The following STAMBPL1 variants were observed in gnomAD, a reference collection of about 807,000 sequenced individuals.
The protein encoded by STAMBPL1 is AMSH-like protease.
A neutral mutation model predicts 52.9 loss-of-function variants in STAMBPL1; 44 were observed. That is an observed-to-expected ratio of 0.83 (90% confidence interval 0.65 to 1.07). STAMBPL1 has a LOEUF of 1.07. Ranked by LOEUF, STAMBPL1 falls within the 50% of genes least tolerant of loss-of-function variation. The probability of loss-of-function intolerance (pLI) is 0.00; values close to 1 mark genes in which losing one functional copy is unlikely to be tolerated. For missense variants in STAMBPL1, 511 were observed against 520.8 expected (o/e 0.98, Z 0.18); for synonymous variants, 164 against 177.3 (o/e 0.92, Z 0.60).
rs1457741504 is a variant in STAMBPL1 at position 88,910,901 on chromosome 10, A to G, written c.325-15A>G. ...GAAAATCCCACTAATCAATATGTAT[A>G]TATATTTTTAAAAGAAACTGAAGGA... On this transcript the variant is annotated splice_polypyrimidine_tract_variant and intron_variant, in intron 4 of 10. Transcript: ENST00000371926. 1.3e-6 allele frequency: 2 copies of G among 1,544,248 alleles called. No individual in the cohort carries two copies. The highest frequency in any genetic ancestry group is 1.2e-5 in the South Asian group (1 of 81,116).
intron 5 of STAMBPL1, chr10:88,912,256 A>C (rs1280959268): frequency 6.6e-6 from 1 of 152,236 alleles, no homozygotes; most frequent in African/African-American, 2.4e-5. Flanking sequence ...ATGCACCTGA[A>C]TGTGCCACTA....
At chr10:88,907,300 ATTTTATTCAAGTT>A (rs1236643310) in intron 3 of STAMBPL1, among the ~76,000 whole-genome samples, 2 of 152,202 alleles carry the variant, frequency 1.3e-5, no homozygotes, top group African/African-American at 4.8e-5. Flanking sequence ...TGAGATCTGC[ATTTTATTCAAGTT>A]ACTGAACTTG....
intron 1 of STAMBPL1, chr10:88,882,503 A>G (rs549687981): frequency 6.6e-6 from 1 of 152,312 alleles, no homozygotes; most frequent in East Asian, 1.9e-4. Flanking sequence ...CAATCCAAGA[A>G]ATGAGATTGC....
chr10:88,906,459 G>T (rs1260845773), intron 3 of STAMBPL1, among the ~76,000 whole-genome samples: 4 of 151,968 alleles, frequency 2.6e-5, no homozygotes, highest in Non-Finnish European at 5.9e-5. Flanking sequence ...AAAGTCACAT[G>T]CCGATTACTT....
chr10:88,888,292 C>T (rs1191468629), intron 1 of STAMBPL1, among the ~76,000 whole-genome samples: 4 of 152,210 alleles, frequency 2.6e-5, no homozygotes, highest in Non-Finnish European at 5.9e-5. Flanking sequence ...TTCTGGCAGG[C>T]GCTGAGTTAC....
intron 7 of STAMBPL1, among the ~76,000 whole-genome samples, chr10:88,916,475 G>T (rs975557816): frequency 1.3e-5 from 2 of 149,116 alleles, no homozygotes; most frequent in African/African-American, 4.9e-5. Flanking sequence ...TTTTGGCAAA[G>T]AATCCATTTT....
At chr10:88,918,751 A>G (rs1845433412) in intron 8 of STAMBPL1, among the ~76,000 whole-genome samples, 1 of 152,178 alleles carries the variant, frequency 6.6e-6, no homozygotes. Flanking sequence ...AAGCAAAACA[A>G]ATTCTAGCAA....
chr10:88,904,652 CA>C (rs5786842), intron 2 of STAMBPL1, among the ~76,000 whole-genome samples: 37,352 of 152,122 alleles, frequency 0.25, 4,860 homozygotes, highest in South Asian at 0.46. Context: ...CTTTCTGAAG[CA>C]CCGACTTTTT....
At chr10:88,901,509 T>C in intron 1 of STAMBPL1, 147 bp from the exon 2 acceptor site, 1 of 413,756 alleles carries the variant, frequency 2.4e-6, no homozygotes, top group African/African-American at 2.1e-5. Context: ...CAGGAAGAGA[T>C]TTCCAACAGT....
chr10:88,923,303 C>T lies in STAMBPL1; in HGVS notation c.*79C>T. 1 of 1,495,664 alleles carries T rather than the reference C, an allele frequency of 6.7e-7. No individual in the cohort carries two copies. The highest frequency in any genetic ancestry group is 8.9e-7 in the Non-Finnish European group (1 of 1,126,144). 92.6% of individuals were successfully genotyped at this position (1,495,664 alleles called of 1,614,324 possible). On this transcript the variant is annotated 3_prime_UTR_variant, in exon 11 of 11. Coordinates refer to ENST00000371926, the MANE Select transcript of STAMBPL1 (RefSeq NM_020799.4). ...GTTGCCGGATTTTCTTAAGATGTTTCCAGAAATGACTGATATTTTATATTT... is the reference window on the plus strand; with the variant it reads ...GTTGCCGGATTTTCTTAAGATGTTTTCAGAAATGACTGATATTTTATATTT...
chr10:88,908,055 A>G (rs1031907779), intron 3 of STAMBPL1, among the ~76,000 whole-genome samples: 2 of 152,250 alleles, frequency 1.3e-5, no homozygotes, highest in African/African-American at 4.8e-5. Flanking sequence ...TGCATAAAAA[A>G]GAGAATTCCC....
intron 1 of STAMBPL1, among the ~76,000 whole-genome samples, chr10:88,890,265 G>T (rs543335819): frequency 3.9e-5 from 6 of 152,338 alleles, no homozygotes; most frequent in African/African-American, 9.6e-5. Context: ...GATATTAACA[G>T]CAATAGAACA....
At chr10:88,886,364 C>T (rs1844533015) in intron 1 of STAMBPL1, among the ~76,000 whole-genome samples, 1 of 152,130 alleles carries the variant, frequency 6.6e-6, no homozygotes, top group Admixed American at 6.6e-5. Flanking sequence ...TTTGAAATCT[C>T]ACCCTTAAAA....
intron 9 of STAMBPL1, among the ~76,000 whole-genome samples, chr10:88,921,742 G>A (rs1407857290): frequency 1.3e-5 from 2 of 152,078 alleles, no homozygotes; most frequent in African/African-American, 4.8e-5. Flanking sequence ...TTCTAGCTTT[G>A]GGGAACAATG....
In STAMBPL1 at chr10:88,918,281, G is replaced by GCACACA. The variant is rs144819228; in HGVS notation, c.1041+1483_1041+1488dup. Among the ~76,000 whole-genome samples the GCACACA allele has an allele frequency of 9.5e-5, 14 of 147,248 alleles. No individual in the cohort carries two copies. The East Asian group carries it at 1.4e-3, about 15-fold the overall frequency. ...GAGAAGCACTGGGGAGGAGCAGCAT[G>GCACACA]CACACACACACACACACACACACAT... On this transcript the variant is annotated intron_variant, in intron 8 of 10. Coordinates refer to ENST00000371926, the MANE Select transcript of STAMBPL1 (RefSeq NM_020799.4).
intron 8 of STAMBPL1, among the ~76,000 whole-genome samples, chr10:88,920,853 G>A (rs868732023): frequency 6.6e-6 from 1 of 152,136 alleles, no homozygotes; most frequent in Non-Finnish European, 1.5e-5. Flanking sequence ...TGTATCTTGT[G>A]CCCAGGGTTT....
chr10:88,883,129 G>C (rs370904123), intron 1 of STAMBPL1, among the ~76,000 whole-genome samples: 2 of 150,758 alleles, frequency 1.3e-5, no homozygotes, highest in African/African-American at 2.4e-5. Context: ...TTGCCCTTGC[G>C]ATAGTTTGCT....
In STAMBPL1 at chr10:88,923,096, C is replaced by T. The variant is rs191598318; in HGVS notation, c.1255-72C>T. On this transcript the variant is annotated intron_variant, in intron 10 of 10. Transcript: ENST00000371926. ...AAAATTAGGAAATCTATACTTCCTC[C>T]CTAAAGAAAATCATATGGTAAACAT... 3 of 1,070,462 alleles carry T rather than the reference C, an allele frequency of 2.8e-6. No individual in the cohort carries two copies. The African/African-American group carries it at 4.9e-5, about 17-fold the overall frequency. The allele number at this position is 1,070,462 out of a possible 1,614,324, so 66.3% of individuals were successfully genotyped here.
At chr10:88,907,531 G>A (rs1845105730) in intron 3 of STAMBPL1, among the ~76,000 whole-genome samples, 1 of 152,140 alleles carries the variant, frequency 6.6e-6, no homozygotes, top group South Asian at 2.1e-4. Context: ...CTATGGAATT[G>A]TGAGCCTGGT....
Sources: gnomAD v4.1 joint callset for allele counts (sites outside exome capture counted in the v4.1 genomes callset) on GRCh38, gnomAD v4.1.1 for gene constraint, MANE v1.5 for transcripts, NCBI Gene and HGNC (gene_info 2026-07-23, HGNC 2026-07-21) for gene names.